ERBB4: variants seen among roughly 807,000 people sequenced by gnomAD.
ERBB4 encodes erb-b2 receptor tyrosine kinase 4.
In ERBB4, 42 loss-of-function variants were observed where a neutral mutation model predicts 158.0. The ratio of observed to expected loss-of-function variants is 0.27; its 90% CI spans 0.21 to 0.34. The LOEUF (loss-of-function observed/expected upper bound fraction) is 0.34. Ranked by LOEUF, ERBB4 falls within the 10% of genes least tolerant of loss-of-function variation. The pLI is 1.00. For missense variants in ERBB4, 1,333 were observed against 1,624.1 expected (o/e 0.82, Z 3.08); for synonymous variants, 583 against 558.7 (o/e 1.04, Z -0.61).
At chr2:211,737,782 A>T (rs2074650571) in intron 5 of ERBB4, among the ~76,000 whole-genome samples, 1 of 152,186 alleles carries the variant, frequency 6.6e-6, no homozygotes, top group Non-Finnish European at 1.5e-5. Context: ...TAAGTAATCG[A>T]TGAATGGTAG....
At chr2:211,806,515 C>G (rs930843817) in intron 3 of ERBB4, among the ~76,000 whole-genome samples, 6 of 151,880 alleles carry the variant, frequency 4.0e-5, no homozygotes, top group Non-Finnish European at 8.8e-5. Flanking sequence ...GGGAGCACAG[C>G]AAGATAGTGA....
At chr2:211,730,092 CA>C (rs1251827036) in intron 5 of ERBB4, among the ~76,000 whole-genome samples, 3 of 151,744 alleles carry the variant, frequency 2.0e-5, no homozygotes, top group African/African-American at 7.3e-5. Context: ...TCTATCAAGT[CA>C]AAAAATATTA....
chr2:211,755,386 C>T (rs2075267189), intron 4 of ERBB4, among the ~76,000 whole-genome samples: 1 of 152,164 alleles, frequency 6.6e-6, no homozygotes. Flanking sequence ...CCTGCTGTCC[C>T]AGCTACTCTG....
intron 1 of ERBB4, among the ~76,000 whole-genome samples, chr2:212,347,353 A>G (rs567386739): frequency 1.3e-5 from 2 of 152,220 alleles, no homozygotes; most frequent in Non-Finnish European, 2.9e-5. Context: ...AATAATTACA[A>G]CTTTGATAAG....
At chr2:211,701,935 CTA>C in intron 12 of ERBB4, 30 bp downstream of exon 12, 1 of 1,520,802 alleles carries the variant, frequency 6.6e-7, no homozygotes, top group Non-Finnish European at 9.1e-7. Flanking sequence ...ATTTAAGTTT[CTA>C]TGTTTTAAAT....
chr2:212,458,827 A>G (rs1466302534), intron 1 of ERBB4, among the ~76,000 whole-genome samples: 2 of 152,184 alleles, frequency 1.3e-5, no homozygotes, highest in African/African-American at 4.8e-5. Context: ...TAAACTTTGT[A>G]GATATATTTG....
At chr2:211,794,507 T>C (rs939336818) in intron 3 of ERBB4, among the ~76,000 whole-genome samples, 4 of 151,956 alleles carry the variant, frequency 2.6e-5, no homozygotes, top group Non-Finnish European at 5.9e-5. Flanking sequence ...CAAATGTTTT[T>C]GATGATTATG....
Position 211,381,758 on chromosome 2 carries a change from AGAT to A in ERBB4, c.*1854_*1856del. Reference sequence around the variant, plus strand: ...TTCTCTAAACTTTCTCTGCCTTAATAGATATTTTTACTCTAATTAATTAATCTT... The same window carrying A: ...TTCTCTAAACTTTCTCTGCCTTAATAATTTTTACTCTAATTAATTAATCTT... On this transcript the variant is annotated 3_prime_UTR_variant, in exon 28 of 28. Transcript: ENST00000342788. The A allele has an allele frequency of 4.3e-6, 1 of 231,132 alleles. No homozygotes were observed. The highest frequency in any genetic ancestry group is 8.6e-6 in the Non-Finnish European group (1 of 116,740). 14.3% of individuals were successfully genotyped at this position (231,132 alleles called of 1,614,324 possible).
intron 12 of ERBB4, among the ~76,000 whole-genome samples, chr2:211,684,717 T>C (rs2072493936): frequency 6.6e-6 from 1 of 152,182 alleles, no homozygotes; most frequent in African/African-American, 2.4e-5. Context: ...AAATCACTGA[T>C]GCCAGCTGGT....
intron 20 of ERBB4, among the ~76,000 whole-genome samples, chr2:211,485,121 C>G (rs192298685): frequency 3.2e-4 from 49 of 152,262 alleles, no homozygotes; most frequent in African/African-American, 1.2e-3. Context: ...AGATAAGAGA[C>G]TAATGTGATG....
In ERBB4 at chr2:211,376,051, T is replaced by C. The variant is rs2062467241; in HGVS notation, c.*7564A>G. On this transcript the variant is annotated 3_prime_UTR_variant, in exon 28 of 28. Transcript: ENST00000342788. ...GGAGAAGAAAGAATAAGAGAAAGTA[T>C]ACTAAAAATATGCCTAACATTAAAA... is the stretch of plus-strand genomic sequence containing the variant. 1 of 232,892 alleles carries C rather than the reference T, an allele frequency of 4.3e-6. No homozygotes were observed. Among genetic ancestry groups the C allele is most frequent in the Admixed American group, 5.6e-5 (1 of 17,726 alleles). The allele number at this position is 232,892 out of a possible 1,614,324, so 14.4% of individuals were successfully genotyped here.
chr2:211,401,107 CTTT>C lies in ERBB4; in HGVS notation c.3136-13118_3136-13116del, dbSNP rs369390704. Among the ~76,000 whole-genome samples the C allele has an allele frequency of 3.6e-3, 552 of 151,934 alleles. 5 individuals carry two copies. Among genetic ancestry groups the C allele is most frequent in the African/African-American group, 0.013 (535 of 41,470 alleles). On this transcript the variant is annotated intron_variant, in intron 25 of 27. Transcript: ENST00000342788. ...TCCTTTGAAAATTAAAACTGCTATG[CTTT>C]TTTTCAGTGCAGCAGTAATTCAAAG...
chr2:212,403,687 A>G (rs2091270369), intron 1 of ERBB4, among the ~76,000 whole-genome samples: 1 of 152,076 alleles, frequency 6.6e-6, no homozygotes, highest in Admixed American at 6.6e-5. Flanking sequence ...AATGAAATTC[A>G]TAGAAGCACA....
chr2:212,207,221 TA>T (rs1349219455), intron 1 of ERBB4, among the ~76,000 whole-genome samples: 7 of 152,068 alleles, frequency 4.6e-5, no homozygotes, highest in Admixed American at 1.3e-4. Flanking sequence ...AGAGCTTCAT[TA>T]AAAAAATCCT....
At chr2:212,508,530 C>T (rs1035000382) in intron 1 of ERBB4, among the ~76,000 whole-genome samples, 1 of 152,062 alleles carries the variant, frequency 6.6e-6, no homozygotes, top group Non-Finnish European at 1.5e-5. Context: ...GCTAAACTCA[C>T]ATTTAAAGGC....
intron 3 of ERBB4, among the ~76,000 whole-genome samples, chr2:211,917,207 T>C (rs1489812126): frequency 6.6e-6 from 1 of 152,228 alleles, no homozygotes; most frequent in Non-Finnish European, 1.5e-5. Context: ...TGTTCTATTT[T>C]CATCCTCCTT....
chr2:212,258,433 C>A (rs531565753), intron 1 of ERBB4, among the ~76,000 whole-genome samples: 1 of 151,430 alleles, frequency 6.6e-6, no homozygotes, highest in African/African-American at 2.4e-5. Flanking sequence ...GTTAGAACTG[C>A]GCATCAAATG....
At chr2:211,799,385 G>C (rs1478215508) in intron 3 of ERBB4, among the ~76,000 whole-genome samples, 1 of 152,040 alleles carries the variant, frequency 6.6e-6, no homozygotes, top group Non-Finnish European at 1.5e-5. Flanking sequence ...TGCTTTCATA[G>C]GGTAAATAAA....
At chr2:212,509,877 T>A (rs560911540) in intron 1 of ERBB4, among the ~76,000 whole-genome samples, 43 of 152,052 alleles carry the variant, frequency 2.8e-4, no homozygotes, top group African/African-American at 9.9e-4. Context: ...GCTTATCTAA[T>A]CCTTATGAAA....
Sources: allele counts gnomAD v4.1 joint callset (sites outside exome capture counted in the v4.1 genomes callset), GRCh38; gene constraint gnomAD v4.1.1; transcripts MANE v1.5; gene names NCBI Gene and HGNC (gene_info 2026-07-23, HGNC 2026-07-21).